SUCO: variants seen among roughly 807,000 people sequenced by gnomAD.
SUCO encodes SUN domain-containing ossification factor.
In SUCO, 57 loss-of-function variants were observed where a neutral mutation model predicts 148.1. The observed-to-expected ratio is 0.38, with a 90% CI of 0.31 to 0.48. The LOEUF (loss-of-function observed/expected upper bound fraction) is 0.48, where lower values mean the gene tolerates loss of function less well. Among genes scored for constraint, SUCO ranks in the 20% least tolerant of loss-of-function variants. The pLI is 0.96. For synonymous variants in SUCO, 470 were observed against 502.7 expected, an observed-to-expected ratio of 0.93 and a Z score of 0.87; for missense variants, 1,331 against 1,468.2, an observed-to-expected ratio of 0.91 and a Z score of 1.53.
At position 172,610,441 on chromosome 1, in the gene SUCO, T is replaced by C; in HGVS notation, c.*182T>C. The C allele has an allele frequency of 6.7e-6, 6 of 889,792 alleles. No individual in the cohort carries two copies. Among genetic ancestry groups the C allele is most frequent in the Non-Finnish European group, 9.5e-6 (6 of 631,544 alleles). The allele number at this position is 889,792 out of a possible 1,614,324, so 55.1% of individuals were successfully genotyped here. A position where few individuals can be genotyped will look rare whatever the true frequency, so the allele number is the denominator to read the frequency against. On this transcript the variant is annotated 3_prime_UTR_variant, in exon 24 of 24. Coordinates refer to ENST00000263688, the MANE Select transcript of SUCO (RefSeq NM_014283.5). ...TCAATCTTGGTTAATGAGCTACAGTTTTACAAAGCTGATCACTTCCTATAA... is the reference window on the plus strand; with the variant it reads ...TCAATCTTGGTTAATGAGCTACAGTCTTACAAAGCTGATCACTTCCTATAA...
At chr1:172,540,979 C>T (rs1331167336) in intron 1 of SUCO, among the ~76,000 whole-genome samples, 2 of 151,986 alleles carry the variant, frequency 1.3e-5, no homozygotes, top group East Asian at 3.8e-4. Context: ...GTTGTGAGAA[C>T]ATTATTTTGA....
upstream of SUCO, chr1:172,532,636 C>T (rs550305010): frequency 1.9e-6 from 3 of 1,614,056 alleles, no homozygotes; most frequent in Admixed American, 3.3e-5. Flanking sequence ...AACAGTGCAA[C>T]AGTTCCAAAG....
intron 6 of SUCO, chr1:172,568,384 G>A (rs1654709031): frequency 1.1e-6 from 1 of 917,348 alleles, no homozygotes; most frequent in Non-Finnish European, 1.3e-6. Context: ...TGAATGTATT[G>A]CAGATACTTC....
At chr1:172,577,982 A>G (rs1234476392) in intron 13 of SUCO, among the ~76,000 whole-genome samples, 163 bp downstream of exon 13, 1 of 145,836 alleles carries the variant, frequency 6.9e-6, no homozygotes, top group Non-Finnish European at 1.5e-5. Flanking sequence ...AAAATGTCAA[A>G]ATATCCTCTT....
chr1:172,605,559 A>G (rs932536700), intron 22 of SUCO, among the ~76,000 whole-genome samples: 4 of 151,826 alleles, frequency 2.6e-5, no homozygotes, highest in African/African-American at 9.7e-5. Context: ...TTTGATTACT[A>G]TACCTTTGTA....
At chr1:172,532,790 G>A, upstream of SUCO, 4 of 1,610,038 alleles carry the variant, frequency 2.5e-6, no homozygotes, top group Non-Finnish European at 3.4e-6. Flanking sequence ...AGCGCGCGAG[G>A]GACGAAGGGC....
chr1:172,546,961 C>G (rs967801224), intron 1 of SUCO, among the ~76,000 whole-genome samples: 3 of 152,168 alleles, frequency 2.0e-5, no homozygotes, highest in African/African-American at 7.2e-5. Flanking sequence ...ATAGTTGGAT[C>G]AGTTTTGACA....
intron 13 of SUCO, 91 bp downstream of exon 13, chr1:172,577,910 T>A (rs1655571012): frequency 1.1e-6 from 1 of 939,272 alleles, no homozygotes; most frequent in African/African-American, 1.7e-5. Flanking sequence ...TAATTTTCTC[T>A]TACGTGAGTT....
chr1:172,586,221 T>A (rs1656230361), intron 17 of SUCO, among the ~76,000 whole-genome samples: 1 of 152,176 alleles, frequency 6.6e-6, no homozygotes, highest in African/African-American at 2.4e-5. Context: ...TTTTCCATAC[T>A]GGAAATAATT....
chr1:172,557,861 A>G, intron 6 of SUCO, 67 bp downstream of exon 6: 1 of 1,260,028 alleles, frequency 7.9e-7, no homozygotes. Context: ...AGCTAAGCTT[A>G]TAATAATTTG....
chr1:172,534,965 T>A (rs1164799034), intron 1 of SUCO, among the ~76,000 whole-genome samples: 4 of 152,256 alleles, frequency 2.6e-5, no homozygotes, highest in Non-Finnish European at 4.4e-5. Flanking sequence ...CTGGCTTTTT[T>A]TAATTTTTTA....
intron 22 of SUCO, chr1:172,607,930 GTGAA>G (rs1380589060): frequency 1.1e-5 from 2 of 186,548 alleles, no homozygotes; most frequent in Non-Finnish European, 2.0e-5. Context: ...AGCTTCTGTA[GTGAA>G]TTTACTATGT....
At chr1:172,534,372 T>G (rs1465922410) in intron 1 of SUCO, among the ~76,000 whole-genome samples, 1 of 152,196 alleles carries the variant, frequency 6.6e-6, no homozygotes, top group Non-Finnish European at 1.5e-5. Context: ...AGATGCTTCT[T>G]CAGTCTAGGC....
rs1159512821 is a variant in SUCO, at chr1:172,570,141, C to T, written c.951C>T (p.Ala317=). Residue 317 remains alanine (A), a synonymous_variant, in exon 8 of 24, where the codon GCC becomes GCT. Transcript: ENST00000263688. The part of the protein sequence containing the change: ...RNNYASVECG[A]KILAANPEAK... ...ATTATGCCTCAGTAGAATGTGGTGC[C>T]AAAATTCTAGCAGCTAATCCAGAAG... 2 of 1,584,870 alleles carry T rather than the reference C, an allele frequency of 1.3e-6. No homozygotes were observed. Among genetic ancestry groups the T allele is most frequent in the Non-Finnish European group, 1.7e-6 (2 of 1,164,248 alleles).
In SUCO at chr1:172,597,671, C is replaced by A. The variant is rs78869518; in HGVS notation, c.2914-2393C>A. The stretch of plus-strand genomic sequence containing the variant: ...ATAGGACTGGTAATTATGACCGTTC[C>A]CCTATCTTGCTGATTTTAAGGGAAC... On this transcript the variant is annotated intron_variant, in intron 19 of 23. Transcript: ENST00000263688. 9.6e-3 allele frequency among the ~76,000 whole-genome samples: 1,455 copies of A among 152,080 alleles called. 25 individuals carry two copies. Among genetic ancestry groups the A allele is most frequent in the African/African-American group, 0.034 (1,389 of 41,456 alleles).
rs1267423743 is a variant in SUCO at position 172,557,769 on chromosome 1, A to T, written c.707A>T (p.Asn236Ile). ...QGGGDPKSAL[N>I]ASDNLKNESS... ...GGTGGTGATCCAAAATCTGCATTGAATGCTTCAGATAATTTAAAAAATGAG... is the reference window on the plus strand; with the variant it reads ...GGTGGTGATCCAAAATCTGCATTGATTGCTTCAGATAATTTAAAAAATGAG... Residue 236 changes from asparagine (N) to isoleucine (I), a missense_variant, in exon 6 of 24, where the codon AAT becomes ATT. Asn to Ile is a moderately radical substitution (Grantham distance 149). Transcript: ENST00000263688. 2 of 1,598,566 alleles carry T rather than the reference A, an allele frequency of 1.3e-6. No homozygotes were observed. The highest frequency in any genetic ancestry group is 2.3e-5 in the South Asian group (2 of 87,518).
chr1:172,601,317 CCG>C (rs1657508807), intron 20 of SUCO, among the ~76,000 whole-genome samples: 1 of 152,000 alleles, frequency 6.6e-6, no homozygotes, highest in South Asian at 2.1e-4. Context: ...TGATGAAACG[CCG>C]TCTCTTCTAA....
intron 12 of SUCO, 73 bp from the exon 13 acceptor site, chr1:172,577,691 A>C: frequency 6.3e-7 from 1 of 1,575,554 alleles, no homozygotes. Flanking sequence ...TATAATGAAA[A>C]AACTGAGTAT....
Position 172,579,274 on chromosome 1 carries a change from AT to A in SUCO, c.1498+11del, listed in dbSNP as rs1311648188. ...CTTCTTGGTTCTGCTACAAGTGAGTATTTTGAGGATTTTCTATTCATTCTAC... is the reference window on the plus strand; with the variant it reads ...CTTCTTGGTTCTGCTACAAGTGAGTATTTGAGGATTTTCTATTCATTCTAC... On this transcript the variant is annotated splice_region_variant and intron_variant, in intron 15 of 23. Coordinates refer to ENST00000263688, the MANE Select transcript of SUCO (RefSeq NM_014283.5). The A allele has an allele frequency of 4.5e-6, 7 of 1,550,710 alleles. No individual in the cohort carries two copies. The highest frequency in any genetic ancestry group is 1.7e-5 in the Admixed American group (1 of 58,528).
Sources: allele counts gnomAD v4.1 joint callset (sites outside exome capture counted in the v4.1 genomes callset), GRCh38; gene constraint gnomAD v4.1.1; transcripts MANE v1.5; gene names NCBI Gene and HGNC (gene_info 2026-07-23, HGNC 2026-07-21).